Variants in CMTM4 observed in about 807,000 individuals in gnomAD.
CMTM4 encodes the protein CKLF like MARVEL transmembrane domain containing 4, also known as CKLF-like MARVEL transmembrane domain-containing protein 4.
In CMTM4, 8 loss-of-function variants were observed where a neutral mutation model predicts 19.0. That is an observed-to-expected ratio of 0.42 (90% CI 0.25 to 0.76). CMTM4 has a LOEUF of 0.76. Ranked by LOEUF, CMTM4 falls within the 30% of genes least tolerant of loss-of-function variation. The pLI is 0.27. For missense variants in CMTM4, 228 were observed against 290.2 expected (o/e 0.79, Z 1.56); for synonymous variants, 106 against 121.1 (o/e 0.88, Z 0.82).
At position 66,620,883 on chromosome 16, in the gene CMTM4, C is replaced by T. The variant is rs2015618763; in HGVS notation, c.*1175G>A. 1 of 985,756 alleles carries T rather than the reference C, an allele frequency of 1.0e-6. No individual in the cohort carries two copies. The highest frequency in any genetic ancestry group is 1.2e-6 in the Non-Finnish European group (1 of 829,932). 61.1% of individuals were successfully genotyped at this position (985,756 alleles called of 1,614,324 possible). A position where few individuals can be genotyped will look rare whatever the true frequency, so the allele number is the denominator to read the frequency against. ...GGACTCACTGAACTCATTCACCACA[C>T]ACAATAATCTTCACTTTATCAAGAA... is the stretch of plus-strand genomic sequence containing the variant. On this transcript the variant is annotated 3_prime_UTR_variant, in exon 4 of 4. Coordinates refer to ENST00000394106, the MANE Select transcript of CMTM4 (RefSeq NM_181521.3).
chr16:66,656,652 GA>G lies in CMTM4; in HGVS notation c.187-20072del, dbSNP rs147497033. ...CAAAAAAATACTTATTAACTACATA[GA>G]AAAAAAAAAAAACAGTAACTCAACA... On this transcript the variant is annotated intron_variant, in intron 1 of 3. Transcript: ENST00000394106. 2.4e-3 allele frequency among the ~76,000 whole-genome samples: 321 copies of G among 135,308 alleles called. 1 individual carries two copies. The highest frequency in any genetic ancestry group is 6.0e-3 in the African/African-American group (222 of 36,792). The allele number at this position is 135,308 out of a possible 152,430, so 88.8% of individuals were successfully genotyped here.
chr16:66,637,067 C>A (rs1188332854), intron 1 of CMTM4, among the ~76,000 whole-genome samples: 1 of 152,214 alleles, frequency 6.6e-6, no homozygotes, highest in Non-Finnish European at 1.5e-5. Flanking sequence ...TAAAGTCACA[C>A]AGGTTAACTG....
chr16:66,646,688 G>A (rs2016207942), intron 1 of CMTM4, among the ~76,000 whole-genome samples: 1 of 149,196 alleles, frequency 6.7e-6, no homozygotes, highest in African/African-American at 2.5e-5. Flanking sequence ...ATCCTTACTT[G>A]TTTTGAAACC....
intron 1 of CMTM4, among the ~76,000 whole-genome samples, chr16:66,664,538 C>T (rs1316704267): frequency 6.6e-6 from 1 of 152,032 alleles, no homozygotes; most frequent in African/African-American, 2.4e-5. Context: ...GACCTATGTA[C>T]TTGCAAGGTT....
At chr16:66,647,976 A>G (rs951626988) in intron 1 of CMTM4, among the ~76,000 whole-genome samples, 1 of 152,136 alleles carries the variant, frequency 6.6e-6, no homozygotes, top group Non-Finnish European at 1.5e-5. Context: ...ATCCAAAGCA[A>G]CTCTCATCCT....
At chr16:66,610,400 G>A (rs538114514), downstream of CMTM4, among the ~76,000 whole-genome samples, 5 of 152,292 alleles carry the variant, frequency 3.3e-5, no homozygotes, top group South Asian at 1.0e-3. The surrounding 1 kb of genome is among the most constrained non-coding windows in gnomAD (Gnocchi z 4.6). Flanking sequence ...AGCCCAGAAA[G>A]GAGTCAGACC....
intron 1 of CMTM4, among the ~76,000 whole-genome samples, chr16:66,674,905 C>A (rs2144889412): frequency 6.6e-6 from 1 of 151,652 alleles, no homozygotes; most frequent in Non-Finnish European, 1.5e-5. Context: ...CCACACCCAG[C>A]TAATTTTTTG....
chr16:66,612,856 G>C, downstream of CMTM4: 3 of 610,284 alleles, frequency 4.9e-6, no homozygotes, highest in South Asian at 5.8e-5. This position sits in a 1 kb window ranked among gnomAD's most constrained non-coding sequence, Gnocchi z 6.0. Context: ...AGGGCATCTT[G>C]GGTATCCCAC....
intron 1 of CMTM4, among the ~76,000 whole-genome samples, chr16:66,665,765 G>A (rs911204972): frequency 1.9e-4 from 28 of 151,330 alleles, no homozygotes; most frequent in African/African-American, 7.3e-5. Context: ...GAGACAGAGC[G>A]AGACTCTGTC....
intron 1 of CMTM4, among the ~76,000 whole-genome samples, chr16:66,672,790 T>G (rs1199802610): frequency 6.9e-6 from 1 of 145,348 alleles, no homozygotes; most frequent in African/African-American, 2.5e-5. Flanking sequence ...TTTGTTTTGT[T>G]TTTTTTTTGT....
Position 66,696,600 on chromosome 16 carries a change from G to GCATCGC in CMTM4, c.-81_-76dup, listed in dbSNP as rs1555503516. The GCATCGC allele has an allele frequency of 4.4e-6, 4 of 902,178 alleles. No individual in the cohort carries two copies. Among genetic ancestry groups the GCATCGC allele is most frequent in the Admixed American group, 6.1e-5 (1 of 16,328 alleles). 55.9% of individuals were successfully genotyped at this position (902,178 alleles called of 1,614,324 possible). On this transcript the variant is annotated 5_prime_UTR_variant, in exon 1 of 4. The change creates a new upstream start codon in the 5' untranslated region. Coordinates refer to ENST00000394106, the MANE Select transcript of CMTM4 (RefSeq NM_181521.3). This position sits in a 1 kb window ranked among gnomAD's most constrained non-coding sequence, Gnocchi z 4.3. ...AGCGGGCGGACTCAGCGGGGCCGCCGCATCGCCGCCGCCGCCGCCGCCGCC... is the reference window on the plus strand; with the variant it reads ...AGCGGGCGGACTCAGCGGGGCCGCCGCATCGCCATCGCCGCCGCCGCCGCCGCCGCC...
intron 1 of CMTM4, among the ~76,000 whole-genome samples, chr16:66,687,682 ATTT>A (rs1176777153): frequency 5.4e-5 from 5 of 93,304 alleles, no homozygotes; most frequent in African/African-American, 7.6e-5. Flanking sequence ...AAAAAGGGTA[ATTT>A]TTTTTTTTTT....
intron 2 of CMTM4, among the ~76,000 whole-genome samples, chr16:66,633,274 C>A (rs909026796): frequency 6.6e-6 from 1 of 151,654 alleles, no homozygotes; most frequent in Non-Finnish European, 1.5e-5. Context: ...CATTTCTCAT[C>A]CATATTTATG....
the CMTM4 span, among the ~76,000 whole-genome samples, chr16:66,601,117 G>C: frequency 5.9e-5 from 9 of 152,058 alleles, no homozygotes; most frequent in African/African-American, 1.9e-4. Flanking sequence ...CTGTGTGTGT[G>C]TGTGTGTGTG....
At chr16:66,609,567 G>T in the CMTM4 span, 2 of 1,547,976 alleles carry the variant, frequency 1.3e-6, no homozygotes, top group Non-Finnish European at 8.8e-7. The surrounding 1 kb of genome is among the most constrained non-coding windows in gnomAD (Gnocchi z 4.4). Flanking sequence ...AACTGCAGAT[G>T]CCCCTCTAGC....
At chr16:66,610,983 A>T (rs1031722115), downstream of CMTM4, 1 of 398,196 alleles carries the variant, frequency 2.5e-6, no homozygotes, top group African/African-American at 2.1e-5. This position sits in a 1 kb window ranked among gnomAD's most constrained non-coding sequence, Gnocchi z 4.6. Context: ...AGGCTCTGCA[A>T]CCTGCTCCCA....
intron 1 of CMTM4, among the ~76,000 whole-genome samples, chr16:66,640,206 C>G (rs1335725697): frequency 3.9e-5 from 6 of 152,070 alleles, no homozygotes; most frequent in African/African-American, 1.4e-4. Context: ...GAGGCTGAAA[C>G]AAGAGAACTG....
intron 1 of CMTM4, among the ~76,000 whole-genome samples, chr16:66,637,672 T>G (rs1226428263): frequency 6.6e-6 from 1 of 152,172 alleles, no homozygotes. Flanking sequence ...TAAAGGGGGA[T>G]TTCAGGAGAA....
At chr16:66,663,382 TGCA>T (rs2016533209) in intron 1 of CMTM4, among the ~76,000 whole-genome samples, 1 of 152,086 alleles carries the variant, frequency 6.6e-6, no homozygotes, top group African/African-American at 2.4e-5. Flanking sequence ...GGTATACCCC[TGCA>T]GTCCCAGCTA....
Sources: gnomAD v4.1 joint callset for allele counts (sites outside exome capture counted in the v4.1 genomes callset) on GRCh38, gnomAD v4.1.1 for gene constraint, Gnocchi (gnomAD v3.1) non-coding constraint, MANE v1.5 for transcripts, NCBI Gene and HGNC (gene_info 2026-07-23, HGNC 2026-07-21) for gene names.